The following UCHL3 variants were observed in gnomAD, a reference collection of about 807,000 sequenced individuals.
UCHL3 encodes ubiquitin carboxyl-terminal hydrolase isozyme L3.
A neutral mutation model predicts 35.8 loss-of-function variants in UCHL3; 22 were observed. The ratio of observed to expected loss-of-function variants is 0.61; its 90% CI spans 0.44 to 0.88. The LOEUF is 0.88. Ranked by LOEUF, UCHL3 falls within the 40% of genes least tolerant of loss-of-function variation. The pLI is 0.00. For synonymous variants in UCHL3, 90 were observed against 92.8 expected (o/e 0.97, Z 0.17); for missense variants, 229 against 276.9 (o/e 0.83, Z 1.23).
chr13:75,558,419 A>G (rs568354364), intron 2 of UCHL3, among the ~76,000 whole-genome samples: 1 of 152,260 alleles, frequency 6.6e-6, no homozygotes, highest in South Asian at 2.1e-4. Flanking sequence ...AAATATTCTA[A>G]CTGTGACTTT....
At chr13:75,577,468 C>T (rs1219207215) in intron 6 of UCHL3, among the ~76,000 whole-genome samples, 1 of 152,028 alleles carries the variant, frequency 6.6e-6, no homozygotes, top group African/African-American at 2.4e-5. Context: ...TTATATAAGG[C>T]TTGTGAGCAT....
At chr13:75,572,028 T>G (rs75968555) in intron 6 of UCHL3, among the ~76,000 whole-genome samples, 48 of 66,380 alleles carry the variant, frequency 7.2e-4, no homozygotes, top group African/African-American at 3.3e-3. Context: ...GTCTTGTCTT[T>G]ACTTTTCCTT....
intron 6 of UCHL3, chr13:75,590,031 C>T (rs1441422995): frequency 9.2e-6 from 12 of 1,304,584 alleles, no homozygotes; most frequent in African/African-American, 1.5e-5. Context: ...CTGGGTCAAA[C>T]GTAACCATGT....
chr13:75,594,990 G>A lies in UCHL3; in HGVS notation c.550G>A (p.Asp184Asn). ...TGTAGATGGGCATCTCTATGAATTA[G>A]GTAAGAACTATTTTAATTTGTCCTG... ...VHVDGHLYELDGRKPFPINHG... is the reference protein window; with the variant it reads ...VHVDGHLYELNGRKPFPINHG... Residue 184 changes from aspartate (D) to asparagine (N), a missense_variant and splice_region_variant, in exon 7 of 9, where the codon GAT becomes AAT. Transcript: ENST00000377595. The A allele has an allele frequency of 1.9e-6, 3 of 1,596,286 alleles. No individual in the cohort carries two copies. The South Asian group carries it at 3.4e-5, about 18-fold the overall frequency.
At chr13:75,566,988 A>G (rs2138491338) in intron 4 of UCHL3, 137 bp downstream of exon 4, 2 of 1,057,668 alleles carry the variant, frequency 1.9e-6, no homozygotes, top group Non-Finnish European at 1.3e-6. Flanking sequence ...GGGAATGTAT[A>G]TACTGTTAGA....
chr13:75,561,923 G>C (rs2031530403), intron 3 of UCHL3, among the ~76,000 whole-genome samples: 1 of 151,650 alleles, frequency 6.6e-6, no homozygotes, highest in Non-Finnish European at 1.5e-5. Context: ...ATGTATAGTG[G>C]AGCCAGAACT....
intron 2 of UCHL3, among the ~76,000 whole-genome samples, chr13:75,558,294 A>G (rs958300805): frequency 6.6e-6 from 1 of 152,222 alleles, no homozygotes; most frequent in African/African-American, 2.4e-5. Context: ...GTATCACTAC[A>G]GTGGCTGCGT....
rs773998678 is a variant in UCHL3 at position 75,566,677 on chromosome 13, ACT to A, written c.184-17_184-16del. The A allele has an allele frequency of 1.0e-4, 128 of 1,229,354 alleles. 1 individual carries two copies. The African/African-American group carries it at 4.2e-3, about 41-fold the overall frequency. 76.2% of individuals were successfully genotyped at this position (1,229,354 alleles called of 1,614,324 possible). A position where few individuals can be genotyped will look rare whatever the true frequency, so the allele number is the denominator to read the frequency against. Reference sequence around the variant, plus strand: ...GTTATTTTCCACAAATACACTGTTGACTTTTTTTTTTTAATAGTATGAAGTAT... The same window carrying A: ...GTTATTTTCCACAAATACACTGTTGATTTTTTTTTTAATAGTATGAAGTAT... On this transcript the variant is annotated splice_polypyrimidine_tract_variant and intron_variant, in intron 3 of 8. Coordinates refer to ENST00000377595, the MANE Select transcript of UCHL3 (RefSeq NM_006002.5).
intron 6 of UCHL3, among the ~76,000 whole-genome samples, chr13:75,578,539 C>T (rs1475075063): frequency 1.3e-5 from 2 of 152,062 alleles, no homozygotes; most frequent in Non-Finnish European, 2.9e-5. Context: ...CTTCAAAGAT[C>T]TTTTACTTCA....
At chr13:75,601,627 T>A (rs1386669726) in intron 7 of UCHL3, among the ~76,000 whole-genome samples, 4 of 152,160 alleles carry the variant, frequency 2.6e-5, no homozygotes, top group Admixed American at 1.3e-4. Context: ...GACTACAGAG[T>A]AATATAAACA....
chr13:75,550,032 C>T (rs746898203), intron 2 of UCHL3, 45 bp downstream of exon 2: 3 of 1,613,934 alleles, frequency 1.9e-6, no homozygotes, highest in Non-Finnish European at 2.5e-6. Flanking sequence ...TCTTTTCTGT[C>T]TGCTCGGTCC....
intron 2 of UCHL3, among the ~76,000 whole-genome samples, chr13:75,559,205 A>G (rs2138465438): frequency 6.6e-6 from 1 of 151,956 alleles, no homozygotes; most frequent in East Asian, 1.9e-4. Flanking sequence ...ACGCCCAGCT[A>G]ATTTTTTTGT....
chr13:75,596,750 G>T (rs6562915), intron 7 of UCHL3, among the ~76,000 whole-genome samples: 117,243 of 152,062 alleles, frequency 0.77, 45,964 homozygotes, highest in Middle Eastern at 0.88. Context: ...ACTAGTTAGA[G>T]AGCTGTCTTG....
chr13:75,559,757 G>A (rs1009178126), intron 2 of UCHL3, among the ~76,000 whole-genome samples: 31 of 152,090 alleles, frequency 2.0e-4, no homozygotes, highest in African/African-American at 7.0e-4. Context: ...ACTATAATGT[G>A]TTCTTGAGGT....
At chr13:75,560,404 A>T (rs763427473) in intron 2 of UCHL3, among the ~76,000 whole-genome samples, 3 of 152,224 alleles carry the variant, frequency 2.0e-5, no homozygotes, top group African/African-American at 7.2e-5. Context: ...GTTTTATTTC[A>T]CATGTTATGA....
chr13:75,564,237 G>A (rs936459692), intron 3 of UCHL3, among the ~76,000 whole-genome samples: 10 of 151,248 alleles, frequency 6.6e-5, no homozygotes, highest in Non-Finnish European at 1.2e-4. Context: ...TGCAAGCTCC[G>A]CCTCCTGGGT....
chr13:75,559,514 G>C (rs1593976107), intron 2 of UCHL3, among the ~76,000 whole-genome samples: 1 of 152,184 alleles, frequency 6.6e-6, no homozygotes, highest in East Asian at 1.9e-4. Flanking sequence ...TCTACAAGCA[G>C]AGAAATGAAG....
At position 75,566,803 on chromosome 13, in the gene UCHL3, A is replaced by C; in HGVS notation, c.292A>C (p.Ile98Leu). The change falls in exon 4 of 9, where the codon ATT becomes CTT. Residue 98 changes from isoleucine (I) to leucine (L), a missense_variant. Ile to Leu is a conservative substitution (Grantham distance 5). Transcript: ENST00000377595. ...KQTISNACGT[I>L]GLIHAIANNK... is the part of the protein sequence containing the mutation. ...AACAATCAGCAATGCCTGTGGAACA[A>C]TTGGACTGATTCATGCTATTGCAAA... 2 of 1,610,870 alleles carry C rather than the reference A, an allele frequency of 1.2e-6. No homozygotes were observed. The highest frequency in any genetic ancestry group is 1.7e-6 in the Non-Finnish European group (2 of 1,178,992).
chr13:75,580,029 ATAATTGT>A (rs1342364788), intron 6 of UCHL3, among the ~76,000 whole-genome samples: 1 of 152,208 alleles, frequency 6.6e-6, no homozygotes, highest in Non-Finnish European at 1.5e-5. Flanking sequence ...GAGAGAAAAC[ATAATTGT>A]TAAACCAGTC....
Sources: allele counts gnomAD v4.1 joint callset (sites outside exome capture counted in the v4.1 genomes callset), GRCh38; gene constraint gnomAD v4.1.1; transcripts MANE v1.5; gene names NCBI Gene and HGNC (gene_info 2026-07-23, HGNC 2026-07-21).